The following SIPA1L1 variants were observed in gnomAD, a reference collection of about 807,000 sequenced individuals.
SIPA1L1 encodes signal induced proliferation associated 1 like 1.
A neutral mutation model predicts 162.7 loss-of-function variants in SIPA1L1; 26 were observed. The ratio of observed to expected loss-of-function variants is 0.16; its 90% CI spans 0.12 to 0.22. The LOEUF (loss-of-function observed/expected upper bound fraction) is 0.22, where lower values mean the gene tolerates loss of function less well. Ranked by LOEUF, SIPA1L1 falls within the 10% of genes least tolerant of loss-of-function variation. The probability of loss-of-function intolerance (pLI) is 1.00; values close to 1 mark genes in which losing one functional copy is unlikely to be tolerated. For synonymous variants in SIPA1L1, 829 were observed against 837.4 expected (o/e 0.99, Z 0.17); for missense variants, 1,874 against 2,241.0 (o/e 0.84, Z 3.31).
chr14:71,332,886 T>C (rs2034711077), intron 2 of SIPA1L1, among the ~76,000 whole-genome samples: 1 of 152,218 alleles, frequency 6.6e-6, no homozygotes, highest in Non-Finnish European at 1.5e-5. Context: ...TTTATTACTA[T>C]GATTTAGTAA....
At chr14:71,548,918 AG>A (rs1012271077) in intron 4 of SIPA1L1, among the ~76,000 whole-genome samples, 15 of 151,726 alleles carry the variant, frequency 9.9e-5, no homozygotes, top group African/African-American at 3.6e-4. Context: ...TGAAATGAAA[AG>A]GCATGCTTAT....
chr14:71,354,546 C>T (rs566796633), intron 2 of SIPA1L1, among the ~76,000 whole-genome samples: 3 of 150,256 alleles, frequency 2.0e-5, no homozygotes, highest in Admixed American at 6.6e-5. Context: ...CAAAGTGCTG[C>T]GATTATGGGC....
intron 7 of SIPA1L1, among the ~76,000 whole-genome samples, chr14:71,649,466 A>G (rs979212090): frequency 1.3e-5 from 2 of 152,164 alleles, no homozygotes; most frequent in African/African-American, 4.8e-5. Flanking sequence ...TGCTGGGATT[A>G]CAGGCATTAG....
chr14:71,705,314 C>T lies in SIPA1L1; in HGVS notation c.3739C>T (p.His1247Tyr). 6.2e-7 allele frequency: 1 copy of T among 1,613,856 alleles called. No individual in the cohort carries two copies. Among genetic ancestry groups the T allele is most frequent in the Non-Finnish European group, 8.5e-7 (1 of 1,179,746 alleles). ...GRLMRQDPVV[H>Y]LSPNKQGHSD... is the part of the protein sequence containing the mutation. ...ATTAATGCGGCAGGATCCAGTGGTTCATTTGTCTCCAAACAAACAAGGGCA... is the reference window on the plus strand; with the variant it reads ...ATTAATGCGGCAGGATCCAGTGGTTTATTTGTCTCCAAACAAACAAGGGCA... The change falls in exon 16 of 24, where the codon CAT (histidine) becomes TAT (tyrosine). Residue 1247 changes from histidine to tyrosine, a missense_variant. Around this residue, in one of 5 missense-constraint regions of SIPA1L1, gnomAD observed 936 missense variants for 1,051.9 expected, o/e 0.89. Coordinates refer to ENST00000381232, the MANE Select transcript of SIPA1L1 (RefSeq NM_001386936.1).
At chr14:71,440,450 T>C (rs1214500129) in intron 2 of SIPA1L1, among the ~76,000 whole-genome samples, 1 of 151,902 alleles carries the variant, frequency 6.6e-6, no homozygotes, top group East Asian at 1.9e-4. Flanking sequence ...TCTAGGAGTT[T>C]GTGACCAGTC....
At chr14:71,560,683 A>G (rs547565847) in intron 4 of SIPA1L1, among the ~76,000 whole-genome samples, 1 of 152,352 alleles carries the variant, frequency 6.6e-6, no homozygotes, top group African/African-American at 2.4e-5. Context: ...GGTGTCCCAC[A>G]CCCACCTGAA....
At chr14:71,560,059 C>T (rs1196476191) in intron 4 of SIPA1L1, among the ~76,000 whole-genome samples, 1 of 152,168 alleles carries the variant, frequency 6.6e-6, no homozygotes, top group Non-Finnish European at 1.5e-5. Context: ...ATCTACCTAC[C>T]ATTAATGTGT....
At chr14:71,722,876 C>T (rs1422684221) in intron 17 of SIPA1L1, among the ~76,000 whole-genome samples, 4 of 152,188 alleles carry the variant, frequency 2.6e-5, no homozygotes, top group Non-Finnish European at 5.9e-5. Context: ...GTTGGGATTA[C>T]AGGCACACAC....
At position 71,723,580 on chromosome 14, in the gene SIPA1L1, G is replaced by A. The variant is rs187819472; in HGVS notation, c.4209-67G>A. 65 of 1,586,070 alleles carry A rather than the reference G, an allele frequency of 4.1e-5. No homozygotes were observed. In the Admixed American group the frequency reaches 4.7e-4, roughly 11 times the overall value. On this transcript the variant is annotated intron_variant, in intron 17 of 23. Coordinates refer to ENST00000381232, the MANE Select transcript of SIPA1L1 (RefSeq NM_001386936.1). ...TCAACCCAGCCATCACCCGTACCCC[G>A]GACAGCACTTTTATAGCTGACATAA...
At position 71,377,516 on chromosome 14, in the gene SIPA1L1, C is replaced by G. The variant is rs2039513162; in HGVS notation, c.-465+56335C>G. 6.6e-6 allele frequency among the ~76,000 whole-genome samples: 1 copy of G among 151,880 alleles called. No individual in the cohort carries two copies. Among genetic ancestry groups the G allele is most frequent in the African/African-American group, 2.4e-5 (1 of 41,334 alleles). ...GACTGGGTGGCCAGGCAGAGGGGCT[C>G]CTCACATCCCAGACCATGGGCAGCC... On this transcript the variant is annotated intron_variant, in intron 2 of 23. Coordinates refer to ENST00000381232, the MANE Select transcript of SIPA1L1 (RefSeq NM_001386936.1). This position sits in a 1 kb window ranked among gnomAD's most constrained non-coding sequence, Gnocchi z 4.8.
chr14:71,723,592 T>A, intron 17 of SIPA1L1, 55 bp from the exon 18 acceptor site: 1 of 1,605,166 alleles, frequency 6.2e-7, no homozygotes, highest in East Asian at 2.2e-5. Flanking sequence ...ACAGCACTTT[T>A]ATAGCTGACA....
intron 4 of SIPA1L1, among the ~76,000 whole-genome samples, chr14:71,563,685 C>A (rs1412969311): frequency 6.6e-6 from 1 of 152,204 alleles, no homozygotes; most frequent in Non-Finnish European, 1.5e-5. Flanking sequence ...TCATTCCTTT[C>A]TGCTATAGCA....
intron 5 of SIPA1L1, among the ~76,000 whole-genome samples, chr14:71,595,001 C>A (rs10138557): frequency 1.3e-5 from 2 of 152,074 alleles, no homozygotes; most frequent in Non-Finnish European, 2.9e-5. Context: ...ACTGTGATCT[C>A]AAAGTCCCAG....
intron 5 of SIPA1L1, among the ~76,000 whole-genome samples, chr14:71,594,871 G>T (rs1222804666): frequency 6.6e-6 from 1 of 152,182 alleles, no homozygotes; most frequent in African/African-American, 2.4e-5. Context: ...GCTAAGCTAG[G>T]AGTGTGTTTT....
chr14:71,693,464 A>G (rs1358629295), intron 13 of SIPA1L1, among the ~76,000 whole-genome samples: 3 of 151,978 alleles, frequency 2.0e-5, no homozygotes, highest in Non-Finnish European at 4.4e-5. Flanking sequence ...ACACCACTGC[A>G]CTCCAGCCTG....
intron 15 of SIPA1L1, among the ~76,000 whole-genome samples, chr14:71,704,557 T>A (rs1020667789): frequency 6.6e-6 from 1 of 152,168 alleles, no homozygotes; most frequent in African/African-American, 2.4e-5. Context: ...AGGAAGGGTG[T>A]TTCAGAGGCC....
intron 2 of SIPA1L1, among the ~76,000 whole-genome samples, chr14:71,492,788 ATTT>A (rs200832752): frequency 5.6e-5 from 8 of 142,724 alleles, no homozygotes; most frequent in African/African-American, 2.6e-5. Flanking sequence ...GCCTGGCTAG[ATTT>A]TTTTTTTTTT....
chr14:71,473,564 G>A (rs1432917914), intron 2 of SIPA1L1, among the ~76,000 whole-genome samples: 3 of 152,290 alleles, frequency 2.0e-5, no homozygotes, highest in Admixed American at 6.5e-5. Context: ...AGTTAGGTGC[G>A]AAAAGGAGGA....
At chr14:71,466,580 GAAA>G in intron 2 of SIPA1L1, among the ~76,000 whole-genome samples, 2 of 118,132 alleles carry the variant, frequency 1.7e-5, no homozygotes, top group Middle Eastern at 4.7e-3. Flanking sequence ...GAGCCATACT[GAAA>G]AAAAAAAAAA....
Sources: allele counts gnomAD v4.1 joint callset (sites outside exome capture counted in the v4.1 genomes callset), GRCh38; gene constraint gnomAD v4.1.1; regional missense constraint gnomAD v4.1.1; non-coding constraint Gnocchi (gnomAD v3.1); transcripts MANE v1.5; gene names NCBI Gene and HGNC (gene_info 2026-07-23, HGNC 2026-07-21).